Variants in CREB5 observed in about 807,000 individuals in gnomAD.
CREB5 encodes cAMP responsive element binding protein 5, also known as cyclic AMP-responsive element-binding protein 5.
CREB5 carries 19 observed loss-of-function variants against 57.1 expected under a neutral mutation model. That is an observed-to-expected ratio of 0.33 (90% confidence interval 0.23 to 0.49). CREB5 has a LOEUF of 0.49. Ranked by LOEUF, CREB5 falls within the 20% of genes least tolerant of loss-of-function variation. CREB5 has a pLI of 0.99. For missense variants in CREB5, 579 were observed against 671.6 expected (o/e 0.86, Z 1.52); for synonymous variants, 238 against 238.3 (o/e 1.00, Z 0.01).
intron 4 of CREB5, among the ~76,000 whole-genome samples, chr7:28,568,855 G>A (rs529375174): frequency 1.9e-4 from 29 of 152,324 alleles, no homozygotes; most frequent in African/African-American, 7.0e-4. Flanking sequence ...CGTTTAACAC[G>A]TAGTGCAGGA....
chr7:28,303,447 A>G (rs1323392977), intron 1 of CREB5, among the ~76,000 whole-genome samples: 1 of 152,242 alleles, frequency 6.6e-6, no homozygotes, highest in African/African-American at 2.4e-5. Flanking sequence ...GGGGGAAATT[A>G]GCCAGCCTTT....
intron 7 of CREB5, among the ~76,000 whole-genome samples, chr7:28,752,784 T>C (rs1296799561): frequency 6.6e-6 from 1 of 152,170 alleles, no homozygotes; most frequent in Non-Finnish European, 1.5e-5. Flanking sequence ...AATATCTTCT[T>C]ATCCCCTTAT....
chr7:28,646,992 C>T (rs1562547698), intron 5 of CREB5, among the ~76,000 whole-genome samples: 1 of 151,956 alleles, frequency 6.6e-6, no homozygotes, highest in Admixed American at 6.5e-5. Flanking sequence ...AGGGGCAACA[C>T]TGGTGATACA....
chr7:28,553,175 G>A (rs1257818605), intron 4 of CREB5, among the ~76,000 whole-genome samples: 1 of 152,174 alleles, frequency 6.6e-6, no homozygotes, highest in Non-Finnish European at 1.5e-5. Context: ...CAGCACTGCA[G>A]GGACTCCCTA....
At chr7:28,569,630 G>A (rs574193350) in intron 4 of CREB5, among the ~76,000 whole-genome samples, 1 of 152,208 alleles carries the variant, frequency 6.6e-6, no homozygotes, top group Non-Finnish European at 1.5e-5. Context: ...CAAGCACCAC[G>A]GGATAGAGTT....
At chr7:28,560,875 C>CGCGTGCGTGTGT (rs1795127001) in intron 4 of CREB5, among the ~76,000 whole-genome samples, 4 of 19,220 alleles carry the variant, frequency 2.1e-4, no homozygotes, top group East Asian at 3.8e-3. Context: ...CCTGCGTGCG[C>CGCGTGCGTGTGT]GTGCGTGCGT....
intron 5 of CREB5, among the ~76,000 whole-genome samples, chr7:28,636,257 T>A (rs951898231): frequency 4.6e-5 from 7 of 151,940 alleles, no homozygotes; most frequent in Non-Finnish European, 1.0e-4. Flanking sequence ...TGAGGGACCA[T>A]GTCTAAGGCT....
intron 5 of CREB5, among the ~76,000 whole-genome samples, chr7:28,717,555 A>G (rs1802766277): frequency 6.6e-6 from 1 of 152,078 alleles, no homozygotes; most frequent in Non-Finnish European, 1.5e-5. Context: ...TCCTTCTCCT[A>G]CTCTGGTTGG....
chr7:28,621,806 G>A (rs1272499452), intron 5 of CREB5, among the ~76,000 whole-genome samples: 1 of 152,128 alleles, frequency 6.6e-6, no homozygotes, highest in Non-Finnish European at 1.5e-5. Context: ...CATTCTGACT[G>A]CAACTTAAAG....
intron 7 of CREB5, among the ~76,000 whole-genome samples, chr7:28,788,801 T>C (rs1202331552): frequency 6.8e-6 from 1 of 146,574 alleles, no homozygotes; most frequent in African/African-American, 2.6e-5. Flanking sequence ...CTAGCTGAAG[T>C]GAAGCCAGGT....
chr7:28,527,287 C>A (rs150604), intron 4 of CREB5, among the ~76,000 whole-genome samples: 126,139 of 152,152 alleles, frequency 0.83, 52,336 homozygotes, highest in Admixed American at 0.86. Flanking sequence ...CTGAATATTC[C>A]AAGATCAGTG....
At position 28,539,592 on chromosome 7, in the gene CREB5, G is replaced by T. The variant is rs115135531; in HGVS notation, c.292-30773G>T. On this transcript the variant is annotated intron_variant, in intron 4 of 10. Coordinates refer to ENST00000357727, the MANE Select transcript of CREB5 (RefSeq NM_182898.4). Reference sequence around the variant, plus strand: ...TACAAATAAAAGAAGTAATAGTTTTGCAATTAAGTGTTTTTGTGGTTGACA... The same window carrying T: ...TACAAATAAAAGAAGTAATAGTTTTTCAATTAAGTGTTTTTGTGGTTGACA... Among the ~76,000 whole-genome samples the T allele has an allele frequency of 7.6e-3, 1,163 of 152,242 alleles. 18 individuals are homozygous for T. Among genetic ancestry groups the T allele is most frequent in the African/African-American group, 0.025 (1,058 of 41,518 alleles).
chr7:28,358,336 C>T (rs1386174841), intron 1 of CREB5, among the ~76,000 whole-genome samples: 2 of 152,202 alleles, frequency 1.3e-5, no homozygotes, highest in Admixed American at 1.3e-4. Context: ...CACCTGTGGA[C>T]CCCAACCATC....
intron 1 of CREB5, among the ~76,000 whole-genome samples, chr7:28,425,628 C>T (rs1452611512): frequency 1.3e-5 from 2 of 152,142 alleles, no homozygotes; most frequent in African/African-American, 4.8e-5. Context: ...GAAAAGATAA[C>T]ACATCATGGA....
At chr7:28,716,023 T>G (rs1802666819) in intron 5 of CREB5, among the ~76,000 whole-genome samples, 1 of 152,200 alleles carries the variant, frequency 6.6e-6, no homozygotes, top group Non-Finnish European at 1.5e-5. Context: ...CCAAACTATT[T>G]ATATAACTGA....
chr7:28,450,701 G>A (rs920103912), intron 1 of CREB5, among the ~76,000 whole-genome samples: 14 of 152,222 alleles, frequency 9.2e-5, no homozygotes, highest in African/African-American at 3.1e-4. Flanking sequence ...GAAACACAGG[G>A]TGGCAGGAGA....
chr7:28,667,711 T>G (rs1269939894), intron 5 of CREB5, among the ~76,000 whole-genome samples: 2 of 152,194 alleles, frequency 1.3e-5, no homozygotes, highest in African/African-American at 4.8e-5. Flanking sequence ...AAATAAAAAT[T>G]TTTCTATACA....
At chr7:28,529,780 CTTGT>C (rs1345452957) in intron 4 of CREB5, among the ~76,000 whole-genome samples, 1 of 152,150 alleles carries the variant, frequency 6.6e-6, no homozygotes, top group Non-Finnish European at 1.5e-5. Flanking sequence ...TCATGTTTTG[CTTGT>C]TTGTTTCCTC....
At chr7:28,789,062 T>C (rs1807505428) in intron 7 of CREB5, among the ~76,000 whole-genome samples, 1 of 152,224 alleles carries the variant, frequency 6.6e-6, no homozygotes. Flanking sequence ...GTTTTTCTGA[T>C]GTGCCTGAAG....
Sources: gnomAD v4.1 joint callset for allele counts (sites outside exome capture counted in the v4.1 genomes callset) on GRCh38, gnomAD v4.1.1 for gene constraint, MANE v1.5 for transcripts, NCBI Gene and HGNC (gene_info 2026-07-23, HGNC 2026-07-21) for gene names.